ADAMTS14: variants seen among roughly 807,000 people sequenced by gnomAD.
ADAMTS14 encodes the protein A disintegrin and metalloproteinase with thrombospondin motifs 14.
A neutral mutation model predicts 128.6 loss-of-function variants in ADAMTS14; 100 were observed. The ratio of observed to expected loss-of-function variants is 0.78; its 90% CI spans 0.66 to 0.92. The LOEUF is 0.92. ADAMTS14 is among the 40% of genes least tolerant of loss of function. The pLI is 0.00. For synonymous variants in ADAMTS14, 665 were observed against 653.8 expected (o/e 1.02, Z -0.26); for missense variants, 1,562 against 1,658.6 (o/e 0.94, Z 1.01).
At chr10:70,740,941 G>A in intron 11 of ADAMTS14, 46 bp from the exon 12 acceptor site, 1 of 1,598,148 alleles carries the variant, frequency 6.3e-7, no homozygotes. Flanking sequence ...GCCCTCCCCA[G>A]CCTTCCCAGC....
chr10:70,704,715 T>C (rs1379764770), intron 3 of ADAMTS14, among the ~76,000 whole-genome samples: 3 of 147,694 alleles, frequency 2.0e-5, no homozygotes, highest in African/African-American at 5.1e-5. Context: ...CACTCACACA[T>C]AGACACACAC....
At chr10:70,683,215 G>A (rs1437690739) in intron 2 of ADAMTS14, among the ~76,000 whole-genome samples, 2 of 152,160 alleles carry the variant, frequency 1.3e-5, no homozygotes, top group South Asian at 2.1e-4. Context: ...TTACCTCCCC[G>A]CCCTCAGCAC....
chr10:70,697,947 C>A (rs935605290), intron 2 of ADAMTS14, among the ~76,000 whole-genome samples: 3 of 152,180 alleles, frequency 2.0e-5, no homozygotes, highest in Non-Finnish European at 4.4e-5. Flanking sequence ...CCACACACCT[C>A]CCAGGGAAGG....
chr10:70,696,373 T>G (rs1018069011), intron 2 of ADAMTS14, among the ~76,000 whole-genome samples: 2 of 140,756 alleles, frequency 1.4e-5, no homozygotes, highest in African/African-American at 2.6e-5. Context: ...GTGTTGGGGG[T>G]CTGAGCCATT....
chr10:70,759,973 C>G (rs555852852), intron 21 of ADAMTS14, among the ~76,000 whole-genome samples: 30 of 152,330 alleles, frequency 2.0e-4, no homozygotes, highest in Admixed American at 7.8e-4. Context: ...CCAGGGTTCT[C>G]AGATGCGCCC....
At chr10:70,711,873 T>C (rs1362597845) in intron 4 of ADAMTS14, among the ~76,000 whole-genome samples, 1 of 152,006 alleles carries the variant, frequency 6.6e-6, no homozygotes, top group African/African-American at 2.4e-5. Flanking sequence ...GCAGTGTCAA[T>C]ATCAATAAAA....
At position 70,722,729 on chromosome 10, in the gene ADAMTS14, G is replaced by T. The variant is rs1719352568; in HGVS notation, c.871-6565G>T. Among the ~76,000 whole-genome samples, 2 of 152,200 alleles carry T rather than the reference G, an allele frequency of 1.3e-5. 1 individual carries two copies. The highest frequency in any genetic ancestry group is 1.3e-4 in the Admixed American group (2 of 15,280). On this transcript the variant is annotated intron_variant, in intron 4 of 21. Coordinates refer to ENST00000373207, the MANE Select transcript of ADAMTS14 (RefSeq NM_080722.4). ...ACTCAAAGAGCTCTCAACCACCAAA[G>T]CTGTGACAATTTGAGCAACAAAACA...
rs749505393 is a variant in ADAMTS14, at chr10:70,760,902, C to T, written c.*49C>T. 2.3e-5 allele frequency: 35 copies of T among 1,512,036 alleles called. No individual in the cohort carries two copies. Among genetic ancestry groups the T allele is most frequent in the South Asian group, 9.3e-5 (7 of 75,254 alleles). 93.7% of individuals were successfully genotyped at this position (1,512,036 alleles called of 1,614,324 possible). Reference sequence around the variant, plus strand: ...CACGTTTACACTCTGTGTACTGCCCCGTGACTCCCAGCTCAGAGGACACAC... The same window carrying T: ...CACGTTTACACTCTGTGTACTGCCCTGTGACTCCCAGCTCAGAGGACACAC... On this transcript the variant is annotated 3_prime_UTR_variant, in exon 22 of 22. Transcript: ENST00000373207.
chr10:70,697,928 A>G (rs1338730579), intron 2 of ADAMTS14, among the ~76,000 whole-genome samples: 6 of 152,156 alleles, frequency 3.9e-5, no homozygotes, highest in Admixed American at 3.3e-4. Flanking sequence ...CACCCTCACC[A>G]TCATTCAGCC....
chr10:70,675,806 CA>C (rs1839629924), intron 2 of ADAMTS14, among the ~76,000 whole-genome samples: 1 of 152,204 alleles, frequency 6.6e-6, no homozygotes, highest in Non-Finnish European at 1.5e-5. Context: ...TGAGCTGGCA[CA>C]GCAGCCTCAA....
rs762935076 is a variant in ADAMTS14 at position 70,753,806 on chromosome 10, G to A, written c.2736G>A (p.Val912=). Residue 912 remains valine, a synonymous_variant, in exon 19 of 22, where the codon GTG becomes GTA. Coordinates refer to ENST00000373207, the MANE Select transcript of ADAMTS14 (RefSeq NM_080722.4). ...NQHPCSQPVW[V]TEEWGACSRS... The stretch of plus-strand genomic sequence containing the variant: ...CCTTTCACCCTGTTTCCAGGTGGGT[G>A]ACGGAGGAGTGGGGTGCCTGCAGCC... The A allele has an allele frequency of 6.3e-7, 1 of 1,577,140 alleles. No homozygotes were observed. The highest frequency in any genetic ancestry group is 8.6e-7 in the Non-Finnish European group (1 of 1,161,058).
chr10:70,689,483 C>T (rs1227020085), intron 2 of ADAMTS14, among the ~76,000 whole-genome samples: 1 of 145,098 alleles, frequency 6.9e-6, no homozygotes. Context: ...GTGGGGTGCA[C>T]AGCAGGGGCG....
intron 7 of ADAMTS14, 105 bp downstream of exon 7, chr10:70,732,464 C>G (rs1309770916): frequency 3.0e-6 from 3 of 994,290 alleles, no homozygotes; most frequent in Non-Finnish European, 4.5e-6. Flanking sequence ...GTTCCAGTGT[C>G]CTGGGAGGTG....
intron 4 of ADAMTS14, among the ~76,000 whole-genome samples, chr10:70,717,858 A>G (rs1174128319): frequency 1.3e-5 from 2 of 152,092 alleles, no homozygotes; most frequent in Admixed American, 6.5e-5. Flanking sequence ...CTGACAATAC[A>G]TAGATGTTGG....
At chr10:70,681,695 G>T (rs1026811868) in intron 2 of ADAMTS14, among the ~76,000 whole-genome samples, 1 of 152,192 alleles carries the variant, frequency 6.6e-6, no homozygotes, top group African/African-American at 2.4e-5. Flanking sequence ...GGGAAGCTGC[G>T]GGTCGGCTCC....
Position 70,732,344 on chromosome 10 carries a change from A to G in ADAMTS14, c.1193A>G (p.His398Arg). The change falls in exon 7 of 22, where the codon CAT becomes CGT. Residue 398 changes from histidine (H) to arginine (R), a missense_variant. Coordinates refer to ENST00000373207, the MANE Select transcript of ADAMTS14 (RefSeq NM_080722.4). ...TTCTCCTCAGCCTTCGTGATAGCTC[A>G]TGAGACCGGCCACGTGTAAGTGGCA... The part of the protein sequence containing the change: ...DGFSSAFVIA[H>R]ETGHVLGMEH... 1 of 1,606,962 alleles carries G rather than the reference A, an allele frequency of 6.2e-7. No individual in the cohort carries two copies. The highest frequency in any genetic ancestry group is 8.5e-7 in the Non-Finnish European group (1 of 1,173,558).
intron 14 of ADAMTS14, among the ~76,000 whole-genome samples, 161 bp from the exon 15 acceptor site, chr10:70,745,065 G>T (rs2132718492): frequency 6.6e-6 from 1 of 152,306 alleles, no homozygotes; most frequent in Admixed American, 6.5e-5. Flanking sequence ...CCCTCATGGA[G>T]AAGGTCTCAT....
At chr10:70,747,709 G>A (rs1017945486) in intron 15 of ADAMTS14, among the ~76,000 whole-genome samples, 6 of 152,242 alleles carry the variant, frequency 3.9e-5, no homozygotes, top group Non-Finnish European at 8.8e-5. Flanking sequence ...TTGCCTGTTT[G>A]TCGGGTGAGT....
chr10:70,718,243 CCT>C (rs1841118763), intron 4 of ADAMTS14, among the ~76,000 whole-genome samples: 1 of 152,132 alleles, frequency 6.6e-6, no homozygotes, highest in South Asian at 2.1e-4. Context: ...AGCAGACAAT[CCT>C]CTTCTTTCCT....
Sources: gnomAD v4.1 joint callset for allele counts (sites outside exome capture counted in the v4.1 genomes callset) on GRCh38, gnomAD v4.1.1 for gene constraint, MANE v1.5 for transcripts, NCBI Gene and HGNC (gene_info 2026-07-23, HGNC 2026-07-21) for gene names.